Variants in PRKG1 observed in about 807,000 individuals in gnomAD.
PRKG1 encodes the protein cGMP-dependent protein kinase 1.
In PRKG1, 35 loss-of-function variants were observed where a neutral mutation model predicts 88.1. The observed-to-expected ratio is 0.40, with a 90% confidence interval of 0.30 to 0.53. PRKG1 has a LOEUF of 0.53. Ranked by LOEUF, PRKG1 falls within the 20% of genes least tolerant of loss-of-function variation. The pLI, the probability that PRKG1 is intolerant of heterozygous loss-of-function variation, is 0.59. For synonymous variants in PRKG1, 303 were observed against 292.5 expected (o/e 1.04, Z -0.37); for missense variants, 540 against 839.8 (o/e 0.64, Z 4.41).
chr10:52,166,906 CACACACACACAT>C (rs1443394187), intron 9 of PRKG1, among the ~76,000 whole-genome samples: 2 of 138,626 alleles, frequency 1.4e-5, no homozygotes, highest in African/African-American at 5.3e-5. Context: ...CACACACACA[CACACACACACAT>C]ATATATAAGC....
chr10:51,889,507 A>G (rs1201370601), intron 4 of PRKG1, among the ~76,000 whole-genome samples: 1 of 152,030 alleles, frequency 6.6e-6, no homozygotes, highest in African/African-American at 2.4e-5. Context: ...GTATAGTGCC[A>G]CAATAGACAT....
intron 4 of PRKG1, among the ~76,000 whole-genome samples, chr10:51,835,539 A>G (rs1416008415): frequency 6.6e-6 from 1 of 152,240 alleles, no homozygotes; most frequent in Non-Finnish European, 1.5e-5. Context: ...TGGTTGAATA[A>G]AGTAATCCAG....
intron 1 of PRKG1, among the ~76,000 whole-genome samples, chr10:51,031,780 A>T (rs1021220740): frequency 2.0e-5 from 3 of 152,192 alleles, no homozygotes; most frequent in African/African-American, 7.2e-5. Context: ...TTGTTCACGC[A>T]GGATTATAAC....
intron 4 of PRKG1, among the ~76,000 whole-genome samples, chr10:51,900,298 C>CT (rs1554853582): frequency 6.6e-6 from 1 of 152,082 alleles, no homozygotes; most frequent in Admixed American, 6.6e-5. Flanking sequence ...TGTGGACATT[C>CT]TTTTTTGTGA....
At chr10:51,069,109 A>T (rs1272533795) in intron 1 of PRKG1, among the ~76,000 whole-genome samples, 1 of 151,946 alleles carries the variant, frequency 6.6e-6, no homozygotes, top group Non-Finnish European at 1.5e-5. Flanking sequence ...TAAGAAGGGG[A>T]CTATAAAAAT....
At chr10:51,973,399 A>G (rs1435270235) in intron 5 of PRKG1, among the ~76,000 whole-genome samples, 1 of 152,142 alleles carries the variant, frequency 6.6e-6, no homozygotes, top group Admixed American at 6.6e-5. Flanking sequence ...TCAGACTCAA[A>G]TGCCTGACAC....
chr10:51,752,138 A>G (rs1360239591), intron 3 of PRKG1, among the ~76,000 whole-genome samples: 1 of 151,600 alleles, frequency 6.6e-6, no homozygotes, highest in African/African-American at 2.4e-5. Flanking sequence ...CCCCCTTTCC[A>G]TCATTGTTTA....
At chr10:51,328,095 G>T (rs896170454) in intron 2 of PRKG1, among the ~76,000 whole-genome samples, 2 of 152,018 alleles carry the variant, frequency 1.3e-5, no homozygotes, top group East Asian at 3.8e-4. Context: ...CTGAAATTTT[G>T]TATCCTTCGA....
At chr10:51,636,457 G>A (rs1465865973) in intron 3 of PRKG1, among the ~76,000 whole-genome samples, 1 of 152,214 alleles carries the variant, frequency 6.6e-6, no homozygotes, top group Non-Finnish European at 1.5e-5. Flanking sequence ...GAGAGTGCAA[G>A]AGTAAGCTGA....
At chr10:51,733,713 G>A (rs7922491) in intron 3 of PRKG1, among the ~76,000 whole-genome samples, 15,196 of 152,106 alleles carry the variant, frequency 0.1, 957 homozygotes, top group Admixed American at 0.19. Flanking sequence ...TACTGAGCTC[G>A]GCCATAAGTG....
At chr10:52,208,671 T>G (rs1839881535) in intron 9 of PRKG1, among the ~76,000 whole-genome samples, 1 of 152,176 alleles carries the variant, frequency 6.6e-6, no homozygotes, top group South Asian at 2.1e-4. Flanking sequence ...GAAAGGAAAT[T>G]GTAGAAAGAT....
chr10:51,596,383 T>C (rs1838449018), intron 3 of PRKG1, among the ~76,000 whole-genome samples: 1 of 152,188 alleles, frequency 6.6e-6, no homozygotes, highest in Non-Finnish European at 1.5e-5. Flanking sequence ...GGGACACACT[T>C]CATTTATTAC....
intron 5 of PRKG1, among the ~76,000 whole-genome samples, chr10:51,975,053 A>G (rs1365181496): frequency 1.3e-5 from 2 of 152,084 alleles, no homozygotes. Flanking sequence ...TTTGGGGAAA[A>G]GGAAGACTGA....
At chr10:51,064,740 T>C (rs1210103027) in intron 1 of PRKG1, among the ~76,000 whole-genome samples, 1 of 152,106 alleles carries the variant, frequency 6.6e-6, no homozygotes, top group Non-Finnish European at 1.5e-5. Context: ...TCCTGTCTTT[T>C]GATTTAATTG....
intron 3 of PRKG1, among the ~76,000 whole-genome samples, chr10:51,598,237 T>C (rs1052167263): frequency 1.3e-5 from 2 of 152,012 alleles, no homozygotes; most frequent in African/African-American, 4.8e-5. Flanking sequence ...GGGAACTGCA[T>C]CTTCATTCTT....
chr10:52,200,263 A>T (rs1278854774), intron 9 of PRKG1, among the ~76,000 whole-genome samples: 2 of 152,088 alleles, frequency 1.3e-5, no homozygotes, highest in African/African-American at 4.8e-5. Context: ...CTTGGTGTTC[A>T]TGTATACTTG....
chr10:51,223,274 A>G (rs1462970431), intron 2 of PRKG1, among the ~76,000 whole-genome samples: 1 of 152,124 alleles, frequency 6.6e-6, no homozygotes, highest in Non-Finnish European at 1.5e-5. Flanking sequence ...ACATTTTTAT[A>G]GTTATAAAAA....
At chr10:52,293,060 A>G (rs957347414) in intron 17 of PRKG1, among the ~76,000 whole-genome samples, 2 of 151,858 alleles carry the variant, frequency 1.3e-5, no homozygotes, top group Admixed American at 6.6e-5. Context: ...AACTTCAGCA[A>G]AGTCTCAGGA....
chr10:51,138,685 T>G (rs111965962), intron 1 of PRKG1, among the ~76,000 whole-genome samples: 5,798 of 128,248 alleles, frequency 0.045, 241 homozygotes, highest in Middle Eastern at 0.093. Flanking sequence ...GTTTTTTTTT[T>G]TTTTTTTTTT....
Sources: allele counts gnomAD v4.1 joint callset (sites outside exome capture counted in the v4.1 genomes callset), GRCh38; gene constraint gnomAD v4.1.1; transcripts MANE v1.5; gene names NCBI Gene and HGNC (gene_info 2026-07-23, HGNC 2026-07-21).